Variants in FASTKD3 observed in about 807,000 individuals in gnomAD.
FASTKD3 encodes FAST kinase domain-containing protein 3, mitochondrial.
A neutral mutation model predicts 49.7 loss-of-function variants in FASTKD3; 47 were observed. The observed-to-expected ratio is 0.95, with a 90% CI of 0.75 to 1.21. FASTKD3 has a LOEUF of 1.21. Ranked by LOEUF, FASTKD3 falls within the 50% of genes most tolerant of loss-of-function variation. The pLI is 0.00. For synonymous variants in FASTKD3, 284 were observed against 288.6 expected (o/e 0.98, Z 0.16); for missense variants, 748 against 765.7 (o/e 0.98, Z 0.27).
intron 4 of FASTKD3, 116 bp from the exon 5 acceptor site, chr5:7,861,768 T>G: frequency 6.8e-7 from 1 of 1,460,538 alleles, no homozygotes; most frequent in Non-Finnish European, 9.1e-7. Flanking sequence ...TCAATTGGAC[T>G]GAAGGCTGCA....
In FASTKD3 at chr5:7,867,870, C is replaced by T. The variant is rs978202380; in HGVS notation, c.214G>A (p.Asp72Asn). ...ACTGGTCCACCGAGTGGATGAAGGT[C>T]ATTTCCATTTTTCGAATGAAACTTT... ...CKKFHSKNGN[D>N]LHPLGGPVFS... The change falls in exon 2 of 7, where the codon GAC becomes AAC. Residue 72 changes from aspartate to asparagine, a missense_variant. Physicochemically the swap from Asp to Asn is conservative, Grantham distance 23. Coordinates refer to ENST00000264669, the MANE Select transcript of FASTKD3 (RefSeq NM_024091.4). 6.2e-7 allele frequency: 1 copy of T among 1,614,162 alleles called. No individual in the cohort carries two copies. Among genetic ancestry groups the T allele is most frequent in the Non-Finnish European group, 8.5e-7 (1 of 1,180,032 alleles).
chr5:7,859,458 T>A lies in FASTKD3; in HGVS notation c.1966A>T (p.Thr656Ser). 4 of 1,606,556 alleles carry A rather than the reference T, an allele frequency of 2.5e-6. No homozygotes were observed. The highest frequency in any genetic ancestry group is 3.4e-6 in the Non-Finnish European group (4 of 1,175,536). ...YLQRKLFSQN[T>S]VHWLQE The stretch of plus-strand genomic sequence containing the variant: ...ATTCATTCTTGCAACCAATGAACAG[T>A]GTTTTGAGAAAACAGTTTTCTTTGT... Residue 656 changes from threonine (T) to serine (S), a missense_variant, in exon 7 of 7, where the codon ACT becomes TCT. Around this residue, in one of 3 missense-constraint regions of FASTKD3, gnomAD observed 178 missense variants for 182.2 expected, o/e 0.98. Coordinates refer to ENST00000264669, the MANE Select transcript of FASTKD3 (RefSeq NM_024091.4).
chr5:7,859,252 A>T lies in FASTKD3; in HGVS notation c.*183T>A. ...GTATCTATGACACTAGTATTAAATTAAAATTAATTTTAAATTTTACCACAA... is the reference window on the plus strand; with the variant it reads ...GTATCTATGACACTAGTATTAAATTTAAATTAATTTTAAATTTTACCACAA... On this transcript the variant is annotated 3_prime_UTR_variant, in exon 7 of 7. Coordinates refer to ENST00000264669, the MANE Select transcript of FASTKD3 (RefSeq NM_024091.4). 1 of 382,406 alleles carries T rather than the reference A, an allele frequency of 2.6e-6. No individual in the cohort carries two copies. Among genetic ancestry groups the T allele is most frequent in the Non-Finnish European group, 4.6e-6 (1 of 215,938 alleles). 23.7% of individuals were successfully genotyped at this position (382,406 alleles called of 1,614,324 possible).
chr5:7,866,546 GA>G (rs1746963276), intron 2 of FASTKD3, 99 bp downstream of exon 2: 1 of 900,448 alleles, frequency 1.1e-6, no homozygotes, highest in Non-Finnish European at 1.7e-6. Context: ...CACTATGGAA[GA>G]AAAACTAAAG....
In FASTKD3 at chr5:7,861,219, C is replaced by T; in HGVS notation, c.1814G>A (p.Ser605Asn). The change falls in exon 6 of 7, where the codon AGC becomes AAC. Residue 605 changes from serine to asparagine, a missense_variant. Ser to Asn is a conservative substitution (Grantham distance 46). This residue lies in a region of FASTKD3 where 178 missense variants were observed against 182.2 expected (regional missense o/e 0.98). Transcript: ENST00000264669. ...AGCTTCTTTCCCCAGTAAGTGTTTG[C>T]TATTGGAGCAAAACCTTTTTGGACC... ...IDGPKRFCSN[S>N]KHLLGKEAIK... 1 of 1,612,392 alleles carries T rather than the reference C, an allele frequency of 6.2e-7. No individual in the cohort carries two copies. The highest frequency in any genetic ancestry group is 8.5e-7 in the Non-Finnish European group (1 of 1,178,934).
Position 7,859,172 on chromosome 5 carries a change from C to G in FASTKD3, c.*263G>C, listed in dbSNP as rs547875821. On this transcript the variant is annotated 3_prime_UTR_variant, in exon 7 of 7. Transcript: ENST00000264669. Reference sequence around the variant, plus strand: ...ACTATGACAAAATACTTAAAAATAACATTTATTCATTGAATTCCTTTACAG... The same window carrying G: ...ACTATGACAAAATACTTAAAAATAAGATTTATTCATTGAATTCCTTTACAG... The G allele has an allele frequency of 4.4e-6, 1 of 226,086 alleles. No individual in the cohort carries two copies. Among genetic ancestry groups the G allele is most frequent in the East Asian group, 8.8e-5 (1 of 11,300 alleles). 14.0% of individuals were successfully genotyped at this position (226,086 alleles called of 1,614,324 possible).
chr5:7,860,707 C>A (rs1403998605), intron 6 of FASTKD3, among the ~76,000 whole-genome samples: 1 of 152,220 alleles, frequency 6.6e-6, no homozygotes, highest in Non-Finnish European at 1.5e-5. Context: ...AATCCCTGAG[C>A]AGACCAAGCC....
In FASTKD3 at chr5:7,859,161, C is replaced by T. The variant is rs1746359005; in HGVS notation, c.*274G>A. 4.8e-6 allele frequency: 1 copy of T among 207,446 alleles called. No individual in the cohort carries two copies. The highest frequency in any genetic ancestry group is 1.8e-4 in the South Asian group (1 of 5,434). 12.9% of individuals were successfully genotyped at this position (207,446 alleles called of 1,614,324 possible). ...TTTAGCAGATAACTATGACAAAATA[C>T]TTAAAAATAACATTTATTCATTGAA... On this transcript the variant is annotated 3_prime_UTR_variant, in exon 7 of 7. Transcript: ENST00000264669.
intron 2 of FASTKD3, among the ~76,000 whole-genome samples, chr5:7,866,313 C>CAA (rs35385669): frequency 1.3e-3 from 189 of 140,420 alleles, no homozygotes; most frequent in East Asian, 2.6e-3. Context: ...ACCATCCTCT[C>CAA]AAAAAAAAAA....
chr5:7,863,237 T>C, intron 3 of FASTKD3: 2 of 457,978 alleles, frequency 4.4e-6, no homozygotes, highest in Non-Finnish European at 7.7e-6. Flanking sequence ...CTGGTTACCA[T>C]AAACAGAAAG....
Position 7,866,904 on chromosome 5 carries a change from C to A in FASTKD3, c.1180G>T (p.Glu394Ter). The change falls in exon 2 of 7, where the codon GAA (glutamate) becomes TAA (stop). Residue 394 changes from glutamate (E) to a stop codon, truncating the protein, a stop_gained. Coordinates refer to ENST00000264669, the MANE Select transcript of FASTKD3 (RefSeq NM_024091.4). LOFTEE classifies it high-confidence loss of function. ...LSKPILNAVA[E>*]TFVCQTEKFS... Reference sequence around the variant, plus strand: ...TTTTCTGTTTGGCAAACAAAAGTTTCTGCCACTGCATTGAGGATGGGTTTT... The same window carrying A: ...TTTTCTGTTTGGCAAACAAAAGTTTATGCCACTGCATTGAGGATGGGTTTT... 1 of 1,614,154 alleles carries A rather than the reference C, an allele frequency of 6.2e-7. No homozygotes were observed. Among genetic ancestry groups the A allele is most frequent in the Non-Finnish European group, 8.5e-7 (1 of 1,180,014 alleles).
At chr5:7,860,002 G>A (rs1017705177) in intron 6 of FASTKD3, among the ~76,000 whole-genome samples, 4 of 152,164 alleles carry the variant, frequency 2.6e-5, no homozygotes, top group African/African-American at 9.7e-5. Flanking sequence ...GAGAGCAGGA[G>A]GCGCAGCAAA....
chr5:7,859,573 C>A (rs746208574), intron 6 of FASTKD3, 34 bp from the exon 7 acceptor site: 3 of 1,360,286 alleles, frequency 2.2e-6, no homozygotes, highest in Non-Finnish European at 2.1e-6. Context: ...TGGTCAAGAT[C>A]CTTCAAAATC....
intron 6 of FASTKD3, 38 bp from the exon 7 acceptor site, chr5:7,859,577 C>A: frequency 7.4e-7 from 1 of 1,343,318 alleles, no homozygotes; most frequent in Non-Finnish European, 1.0e-6. Context: ...CAAGATCCTT[C>A]AAAATCTGAG....
rs148686283 is a variant in FASTKD3, at chr5:7,864,403, G to A, written c.1525-1406C>T. ...GTAAAATATTCATGCTCTTGAGATAGGAACCTCGGAAGTCATAAAAGACAG... is the reference window on the plus strand; with the variant it reads ...GTAAAATATTCATGCTCTTGAGATAAGAACCTCGGAAGTCATAAAAGACAG... On this transcript the variant is annotated intron_variant, in intron 3 of 6. Transcript: ENST00000264669. Among the ~76,000 whole-genome samples, 423 of 152,042 alleles carry A rather than the reference G, an allele frequency of 2.8e-3. 3 individuals carry two copies. Among genetic ancestry groups the A allele is most frequent in the African/African-American group, 9.7e-3 (402 of 41,470 alleles).
At position 7,867,738 on chromosome 5, in the gene FASTKD3, G is replaced by C. The variant is rs138057208; in HGVS notation, c.346C>G (p.Leu116Val). The C allele has an allele frequency of 6.2e-7, 1 of 1,614,106 alleles. No homozygotes were observed. The highest frequency in any genetic ancestry group is 8.5e-7 in the Non-Finnish European group (1 of 1,180,024). Residue 116 changes from leucine to valine, a missense_variant, in exon 2 of 7, where the codon CTA (leucine) becomes GTA (valine). This residue lies in a region of FASTKD3 where 564 missense variants were observed against 562.8 expected (regional missense o/e 1.00). Transcript: ENST00000264669. The stretch of plus-strand genomic sequence containing the variant: ...GTTTCCATCGTGCTTATAAAACTTA[G>C]CACTTCTTCTGATGAAGTCAAGTTG... ...LSNLTSSEEV[L>V]SFISTMETLP...
At chr5:7,866,008 T>A (rs1319960569) in intron 2 of FASTKD3, 25 bp from the exon 3 acceptor site, 1 of 1,570,118 alleles carries the variant, frequency 6.4e-7, no homozygotes, top group South Asian at 1.1e-5. Flanking sequence ...ATCCCAGTCA[T>A]AGTTACGTCT....
rs778897941 is a variant in FASTKD3, at chr5:7,862,925, C to A, written c.1597G>T (p.Asp533Tyr). The A allele has an allele frequency of 6.2e-7, 1 of 1,613,918 alleles. No individual in the cohort carries two copies. The highest frequency in any genetic ancestry group is 1.3e-5 in the African/African-American group (1 of 74,898). ...TPCCSLETPVDSQLYRYVKIG... is the reference protein window; with the variant it reads ...TPCCSLETPVYSQLYRYVKIG... ...TTCACATATCTATAAAGCTGAGAAT[C>A]CACAGGGGTCTCCAGGGAACAGCAT... Residue 533 changes from aspartate (D) to tyrosine (Y), a missense_variant, in exon 4 of 7, where the codon GAT (aspartate) becomes TAT (tyrosine). Transcript: ENST00000264669.
intron 6 of FASTKD3, among the ~76,000 whole-genome samples, chr5:7,860,082 C>A (rs1746423809): frequency 6.6e-6 from 1 of 152,096 alleles, no homozygotes; most frequent in Non-Finnish European, 1.5e-5. Flanking sequence ...TGGCTGCAGG[C>A]CAACCATTGG....
Sources: gnomAD v4.1 joint callset for allele counts (sites outside exome capture counted in the v4.1 genomes callset) on GRCh38, gnomAD v4.1.1 for gene constraint, gnomAD v4.1.1 regional missense constraint, MANE v1.5 for transcripts, NCBI Gene and HGNC (gene_info 2026-07-23, HGNC 2026-07-21) for gene names.